The following DZIP3 variants were observed in gnomAD, a reference collection of about 807,000 sequenced individuals.
The protein encoded by DZIP3 is DAZ interacting zinc finger protein 3.
Under a neutral mutation model 162.0 loss-of-function variants are expected in DZIP3, and 118 were observed. The ratio of observed to expected loss-of-function variants is 0.73; its 90% CI spans 0.63 to 0.85. The LOEUF (loss-of-function observed/expected upper bound fraction) is 0.85, where lower values mean the gene tolerates loss of function less well. DZIP3 is among the 40% of genes least tolerant of loss of function. DZIP3 has a pLI of 0.00. For synonymous variants in DZIP3, 438 were observed against 458.6 expected (o/e 0.96, Z 0.57); for missense variants, 1,331 against 1,407.0 (o/e 0.95, Z 0.86).
chr3:108,686,731 G>T (rs1944513445), intron 28 of DZIP3, 147 bp downstream of exon 28: 1 of 959,184 alleles, frequency 1.0e-6, no homozygotes, highest in South Asian at 3.4e-5. Context: ...TAAGGAAAAA[G>T]AAATTTACCA....
At chr3:108,621,835 A>G (rs1255524785) in intron 5 of DZIP3, among the ~76,000 whole-genome samples, 1 of 152,224 alleles carries the variant, frequency 6.6e-6, no homozygotes. Flanking sequence ...TATTCACAAT[A>G]GCCAAGATTT....
intron 5 of DZIP3, among the ~76,000 whole-genome samples, chr3:108,617,046 A>G (rs1025701764): frequency 2.6e-5 from 4 of 152,230 alleles, no homozygotes; most frequent in African/African-American, 9.6e-5. Context: ...TGTCATTTGA[A>G]TGTGGAATCT....
rs1942162402 is a variant in DZIP3 at position 108,636,678 on chromosome 3, A to G, written c.981A>G (p.Gln327=). 1 of 1,587,986 alleles carries G rather than the reference A, an allele frequency of 6.3e-7. No individual in the cohort carries two copies. The highest frequency in any genetic ancestry group is 8.5e-7 in the Non-Finnish European group (1 of 1,171,858). Residue 327 remains glutamine, a synonymous_variant, in exon 11 of 33, where the codon CAA becomes CAG. Coordinates refer to ENST00000361582, the MANE Select transcript of DZIP3 (RefSeq NM_014648.4). ...GCTGDMVRML[Q]CDVPGIVKIL... is the part of the protein sequence containing the mutation. ...CAGGTGACATGGTAAGGATGCTGCA[A>G]TGTGATGTACCTGGAATTGTTAAAA...
In DZIP3 at chr3:108,661,897, T is replaced by C. The variant is rs1398245037; in HGVS notation, c.2220T>C (p.Thr740=). The C allele has an allele frequency of 1.2e-6, 2 of 1,613,860 alleles. No individual in the cohort carries two copies. Among genetic ancestry groups the C allele is most frequent in the Non-Finnish European group, 8.5e-7 (1 of 1,179,882 alleles). Residue 740 remains threonine, a synonymous_variant, in exon 20 of 33, where the codon ACT becomes ACC. Coordinates refer to ENST00000361582, the MANE Select transcript of DZIP3 (RefSeq NM_014648.4). ...MIEQGSAGKV[T]TDYGETEKER... ...AATAGGGCTCAGCTGGCAAAGTAAC[T>C]ACAGACTATGGAGAAACTGAAAAGG...
chr3:108,682,000 C>A (rs1251726741), intron 26 of DZIP3, among the ~76,000 whole-genome samples: 1 of 150,194 alleles, frequency 6.7e-6, no homozygotes. Context: ...ATGGGTGCAG[C>A]AAACCACCAT....
intron 22 of DZIP3, among the ~76,000 whole-genome samples, chr3:108,671,975 C>T (rs1428698859): frequency 6.6e-6 from 1 of 151,890 alleles, no homozygotes; most frequent in South Asian, 2.1e-4. Context: ...GTATCTCTCA[C>T]AGTTCTGGAA....
chr3:108,669,209 C>T (rs751989564), intron 21 of DZIP3, among the ~76,000 whole-genome samples: 11 of 151,872 alleles, frequency 7.2e-5, no homozygotes, highest in South Asian at 2.1e-4. Context: ...TGTACACAGC[C>T]TCATCACTTC....
chr3:108,685,731 CT>C (rs1944474747), intron 27 of DZIP3, among the ~76,000 whole-genome samples: 1 of 152,072 alleles, frequency 6.6e-6, no homozygotes, highest in South Asian at 2.1e-4. Context: ...TGTAACTTTA[CT>C]TTCTCGTTAT....
At chr3:108,589,521 A>G (rs1939247881), upstream of DZIP3, 2 of 505,204 alleles carry the variant, frequency 4.0e-6, no homozygotes, top group Admixed American at 3.7e-5. Context: ...GTCCCTAGGC[A>G]CCCTAGGGGA....
chr3:108,663,228 C>G (rs1444382475), intron 21 of DZIP3, among the ~76,000 whole-genome samples: 1 of 152,130 alleles, frequency 6.6e-6, no homozygotes, highest in African/African-American at 2.4e-5. Flanking sequence ...CTTAAGAAAA[C>G]TTAGACAAAC....
At chr3:108,685,652 C>A (rs957346478) in intron 27 of DZIP3, among the ~76,000 whole-genome samples, 1 of 152,182 alleles carries the variant, frequency 6.6e-6, no homozygotes, top group African/African-American at 2.4e-5. Context: ...CTTTTGTCTA[C>A]AACATTGATG....
At chr3:108,618,047 G>A (rs561653288) in intron 5 of DZIP3, among the ~76,000 whole-genome samples, 15 of 152,304 alleles carry the variant, frequency 9.8e-5, no homozygotes, top group African/African-American at 3.4e-4. Context: ...CCACCAAAAA[G>A]GGAAAAGACA....
Position 108,625,831 on chromosome 3 carries a change from T to G in DZIP3, c.457-14T>G. ...ACTTTTACAGTAGCCAAACCTAGTT[T>G]TATGTTACTACAGGATTATACAGAA... On this transcript the variant is annotated splice_polypyrimidine_tract_variant and intron_variant, in intron 6 of 32. Transcript: ENST00000361582. The G allele has an allele frequency of 6.4e-7, 1 of 1,570,762 alleles. No homozygotes were observed. The highest frequency in any genetic ancestry group is 8.6e-7 in the Non-Finnish European group (1 of 1,162,992).
intron 6 of DZIP3, among the ~76,000 whole-genome samples, chr3:108,624,890 CT>C (rs1288713867): frequency 2.0e-5 from 3 of 151,648 alleles, no homozygotes; most frequent in Non-Finnish European, 2.9e-5. Flanking sequence ...TTAACATTTC[CT>C]TTTTTTTCTG....
chr3:108,672,856 G>C (rs1428739861), intron 23 of DZIP3, among the ~76,000 whole-genome samples, 200 bp downstream of exon 23: 1 of 151,892 alleles, frequency 6.6e-6, no homozygotes, highest in Non-Finnish European at 1.5e-5. Context: ...CAGTTTTGAT[G>C]TTCTTATGTT....
At chr3:108,641,113 C>G (rs1472927181) in intron 12 of DZIP3, among the ~76,000 whole-genome samples, 2 of 151,978 alleles carry the variant, frequency 1.3e-5, no homozygotes, top group Non-Finnish European at 2.9e-5. Flanking sequence ...ACTTACAATA[C>G]ATATTTTTAA....
chr3:108,686,763 T>C (rs549177036), intron 28 of DZIP3, among the ~76,000 whole-genome samples, 179 bp downstream of exon 28: 2 of 152,288 alleles, frequency 1.3e-5, no homozygotes, highest in African/African-American at 4.8e-5. Flanking sequence ...TGTTCAATGG[T>C]GAACCTCTTC....
intron 23 of DZIP3, 21 bp from the exon 24 acceptor site, chr3:108,674,053 TTCTC>T (rs1422681463): frequency 1.3e-6 from 2 of 1,554,824 alleles, no homozygotes; most frequent in African/African-American, 2.7e-5. Context: ...TTCAACTTCT[TTCTC>T]TTTCTCTCAA....
At chr3:108,630,677 C>G (rs2107589433) in intron 8 of DZIP3, among the ~76,000 whole-genome samples, 1 of 152,008 alleles carries the variant, frequency 6.6e-6, no homozygotes, top group South Asian at 2.1e-4. Context: ...CTTACTTGAT[C>G]TTGGTTGATT....
Sources: gnomAD v4.1 joint callset for allele counts (sites outside exome capture counted in the v4.1 genomes callset) on GRCh38, gnomAD v4.1.1 for gene constraint, MANE v1.5 for transcripts, NCBI Gene and HGNC (gene_info 2026-07-23, HGNC 2026-07-21) for gene names.